Variants in HAUS8 observed in about 807,000 individuals in gnomAD.
HAUS8 encodes HAUS augmin like complex subunit 8.
A neutral mutation model predicts 42.9 loss-of-function variants in HAUS8; 38 were observed. The observed-to-expected ratio is 0.89, with a 90% CI of 0.68 to 1.16. HAUS8 has a LOEUF of 1.16. Ranked by LOEUF, HAUS8 falls within the 50% of genes most tolerant of loss-of-function variation. The pLI is 0.00. For synonymous variants in HAUS8, 199 were observed against 205.8 expected, an observed-to-expected ratio of 0.97 and a Z score of 0.28; for missense variants, 494 against 511.6, an observed-to-expected ratio of 0.97 and a Z score of 0.33.
chr19:17,075,272 C>G, intron 1 of HAUS8, 122 bp downstream of exon 1: 1 of 1,087,822 alleles, frequency 9.2e-7, no homozygotes, highest in Admixed American at 1.7e-5. Context: ...CAGGGGCCCG[C>G]GCAGTTCCTG....
chr19:17,056,550 C>T (rs1021581105), intron 8 of HAUS8, among the ~76,000 whole-genome samples: 7 of 151,520 alleles, frequency 4.6e-5, no homozygotes, highest in Admixed American at 1.3e-4. Flanking sequence ...CACACACATA[C>T]ACACACACAC....
chr19:17,075,108 C>T, intron 1 of HAUS8: 1 of 512,674 alleles, frequency 2.0e-6, no homozygotes, highest in Non-Finnish European at 3.5e-6. Flanking sequence ...GCTGCGTCAT[C>T]GGCCCCATTT....
Position 17,066,340 on chromosome 19 carries a change from C to T in HAUS8, c.147+2691G>A, listed in dbSNP as rs548254440. On this transcript the variant is annotated intron_variant, in intron 3 of 10. Coordinates refer to ENST00000253669, the MANE Select transcript of HAUS8 (RefSeq NM_033417.2). ...CTGGCCTCAAGCAATCCTCCCATTT[C>T]GACCTCCCAAATTGCTGGGATTTCA... Among the ~76,000 whole-genome samples the T allele has an allele frequency of 4.6e-5, 7 of 152,172 alleles. No homozygotes were observed. The South Asian group carries it at 8.3e-4, about 18-fold the overall frequency.
At chr19:17,054,177 T>C (rs1304405483) in intron 9 of HAUS8, among the ~76,000 whole-genome samples, 1 of 151,954 alleles carries the variant, frequency 6.6e-6, no homozygotes, top group Non-Finnish European at 1.5e-5. Flanking sequence ...AAATCAAGAC[T>C]CCCAGAACTG....
At chr19:17,073,153 G>GGT in intron 2 of HAUS8, 121 bp downstream of exon 2, 1 of 854,154 alleles carries the variant, frequency 1.2e-6, no homozygotes, top group Non-Finnish European at 2.0e-6. Flanking sequence ...AATCCCCACA[G>GGT]GTGTGACTAC....
chr19:17,058,519 A>C (rs778140881), intron 8 of HAUS8, 30 bp downstream of exon 8: 6 of 1,552,104 alleles, frequency 3.9e-6, no homozygotes, highest in Non-Finnish European at 5.2e-6. Flanking sequence ...GGGAACACTC[A>C]CTGGTCACAG....
At chr19:17,067,960 C>T (rs2057396789) in intron 3 of HAUS8, among the ~76,000 whole-genome samples, 1 of 152,128 alleles carries the variant, frequency 6.6e-6, no homozygotes, top group Non-Finnish European at 1.5e-5. Flanking sequence ...ATCTTTCATG[C>T]CATTACTTTC....
chr19:17,063,214 T>C (rs1265853964), intron 3 of HAUS8, among the ~76,000 whole-genome samples: 1 of 152,176 alleles, frequency 6.6e-6, no homozygotes, highest in Non-Finnish European at 1.5e-5. Flanking sequence ...TAAAGAGCAA[T>C]GGCCAGGTGC....
chr19:17,060,240 A>C (rs890808691), intron 4 of HAUS8, 148 bp from the exon 5 acceptor site: 27 of 548,708 alleles, frequency 4.9e-5, no homozygotes, highest in Admixed American at 1.6e-4. Context: ...AAAAAAAAAA[A>C]AAAAAAACCT....
chr19:17,057,984 C>A (rs943202046), intron 8 of HAUS8, among the ~76,000 whole-genome samples: 1 of 152,238 alleles, frequency 6.6e-6, no homozygotes, highest in Non-Finnish European at 1.5e-5. Flanking sequence ...AGCCCTCAGA[C>A]AGGGCCAACC....
At chr19:17,072,747 C>G (rs2057435469) in intron 2 of HAUS8, among the ~76,000 whole-genome samples, 2 of 151,612 alleles carry the variant, frequency 1.3e-5, no homozygotes, top group African/African-American at 4.8e-5. Flanking sequence ...TAACGGTGAT[C>G]CCAGACCGAT....
intron 1 of HAUS8, 170 bp from the exon 2 acceptor site, chr19:17,073,505 C>A (rs1169018321): frequency 1.5e-6 from 1 of 669,366 alleles, no homozygotes; most frequent in Non-Finnish European, 2.7e-6. Flanking sequence ...CAAGGAGCAG[C>A]CAGCCCTGGT....
chr19:17,059,937 C>G lies in HAUS8; in HGVS notation c.325+60G>C, dbSNP rs2057349870. 23 of 1,209,240 alleles carry G rather than the reference C, an allele frequency of 1.9e-5. No individual in the cohort carries two copies. The South Asian group carries it at 2.7e-4, about 14-fold the overall frequency. The allele number at this position is 1,209,240 out of a possible 1,614,324, so 74.9% of individuals were successfully genotyped here. On this transcript the variant is annotated intron_variant, in intron 5 of 10. Coordinates refer to ENST00000253669, the MANE Select transcript of HAUS8 (RefSeq NM_033417.2). ...CTGTAGGCCAATTGTACTTTGGAAG[C>G]CCACTGAGACCTACTGCAACCCCCA...
At chr19:17,071,961 G>A (rs1046136528) in intron 2 of HAUS8, among the ~76,000 whole-genome samples, 16 of 152,138 alleles carry the variant, frequency 1.1e-4, no homozygotes, top group African/African-American at 3.9e-4. Context: ...ATTCCAGCCT[G>A]GGTGACAGAG....
Position 17,050,092 on chromosome 19 carries a change from C to A in HAUS8, c.1014G>T (p.Gln338His). The change falls in exon 11 of 11, where the codon CAG becomes CAT. Residue 338 changes from glutamine (Q) to histidine (H), a missense_variant. By Grantham distance (24) the Gln-to-His change is conservative (BLOSUM62 0). Coordinates refer to ENST00000253669, the MANE Select transcript of HAUS8 (RefSeq NM_033417.2). ...LANQEVWEET[Q>H]GMAPPSRWYF... ...ACCACCGGCTGGGGGGCGCCATGCC[C>A]TGGGTCTCTTCCCAGACTTCCTGGT... The A allele has an allele frequency of 1.2e-6, 2 of 1,600,606 alleles. No individual in the cohort carries two copies. The highest frequency in any genetic ancestry group is 1.7e-6 in the Non-Finnish European group (2 of 1,173,562).
intron 9 of HAUS8, 54 bp downstream of exon 9, chr19:17,055,807 C>T (rs1302246378): frequency 3.4e-5 from 53 of 1,548,562 alleles, no homozygotes; most frequent in Middle Eastern, 2.2e-4. Context: ...GAAGCACCCA[C>T]ACACGCTCCT....
rs545238095 is a variant in HAUS8, at chr19:17,053,994, A to T, written c.788-1028T>A. On this transcript the variant is annotated intron_variant, in intron 9 of 10. Coordinates refer to ENST00000253669, the MANE Select transcript of HAUS8 (RefSeq NM_033417.2). ...AGGAAATTTCAATAACGAGACAGCCAGGGAGGAGGCCACGTGAGGACGGGC... is the reference window on the plus strand; with the variant it reads ...AGGAAATTTCAATAACGAGACAGCCTGGGAGGAGGCCACGTGAGGACGGGC... 9.2e-5 allele frequency among the ~76,000 whole-genome samples: 14 copies of T among 152,214 alleles called. No individual in the cohort carries two copies. The South Asian group carries it at 2.9e-3, about 32-fold the overall frequency.
intron 9 of HAUS8, 49 bp downstream of exon 9, chr19:17,055,812 G>A (rs1028865821): frequency 7.1e-6 from 11 of 1,559,376 alleles, no homozygotes; most frequent in Admixed American, 5.6e-5. Flanking sequence ...ACCCACACAC[G>A]CTCCTCGCCC....
intron 3 of HAUS8, among the ~76,000 whole-genome samples, chr19:17,064,855 T>A (rs1008539198): frequency 2.0e-5 from 3 of 152,180 alleles, no homozygotes; most frequent in Non-Finnish European, 2.9e-5. Context: ...AGTGATCAAA[T>A]GGGCTTCATC....
Sources: allele counts gnomAD v4.1 joint callset (sites outside exome capture counted in the v4.1 genomes callset), GRCh38; gene constraint gnomAD v4.1.1; transcripts MANE v1.5; gene names NCBI Gene and HGNC (gene_info 2026-07-23, HGNC 2026-07-21).